The following MMP26 variants were observed in gnomAD, a reference collection of about 807,000 sequenced individuals.
The protein encoded by MMP26 is matrix metalloproteinase-26.
MMP26 carries 33 observed loss-of-function variants against 31.0 expected under a neutral mutation model. The ratio of observed to expected loss-of-function variants is 1.06; its 90% CI spans 0.81 to 1.42. The LOEUF (loss-of-function observed/expected upper bound fraction) is 1.42. Ranked by LOEUF, MMP26 falls within the 40% of genes most tolerant of loss-of-function variation. The pLI, the probability that MMP26 is intolerant of heterozygous loss-of-function variation, is 0.00. For synonymous variants in MMP26, 122 were observed against 114.9 expected, an observed-to-expected ratio of 1.06 and a Z score of -0.40; for missense variants, 347 against 316.1, an observed-to-expected ratio of 1.10 and a Z score of -0.74.
At chr11:4,845,207 A>G (rs776097253) in intron 2 of MMP26, among the ~76,000 whole-genome samples, 12 of 152,164 alleles carry the variant, frequency 7.9e-5, no homozygotes, top group Non-Finnish European at 1.5e-4. Flanking sequence ...CCAAATAAAT[A>G]AAAGATATCT....
At chr11:4,945,152 A>G (rs563563784) in intron 2 of MMP26, 77 of 152,294 alleles carry the variant, frequency 5.1e-4, no homozygotes, top group African/African-American at 1.6e-3. Flanking sequence ...ACAAAAGATG[A>G]AAGAATAAAC....
intron 2 of MMP26, chr11:4,924,444 A>T: frequency 8.4e-7 from 1 of 1,187,210 alleles, no homozygotes; most frequent in Non-Finnish European, 1.2e-6. Flanking sequence ...TCAGCCAGTA[A>T]GGAAGCATCT....
intron 2 of MMP26, among the ~76,000 whole-genome samples, chr11:4,869,893 T>TA (rs1321738810): frequency 6.6e-6 from 1 of 152,088 alleles, no homozygotes; most frequent in East Asian, 1.9e-4. Flanking sequence ...TATGCAGCCA[T>TA]AAAAAATGAT....
intron 1 of MMP26, among the ~76,000 whole-genome samples, chr11:4,757,789 A>G (rs1393296707): frequency 6.6e-6 from 1 of 151,982 alleles, no homozygotes; most frequent in Non-Finnish European, 1.5e-5. Context: ...ATAAATAAGA[A>G]ACAGAAAAAA....
At chr11:4,904,566 C>G (rs1377497119) in intron 2 of MMP26, among the ~76,000 whole-genome samples, 1 of 152,038 alleles carries the variant, frequency 6.6e-6, no homozygotes, top group Non-Finnish European at 1.5e-5. Context: ...TACATTTTTA[C>G]TGTATGATTT....
chr11:4,853,507 A>C (rs1273629314), intron 2 of MMP26, among the ~76,000 whole-genome samples: 1 of 152,210 alleles, frequency 6.6e-6, no homozygotes, highest in Non-Finnish European at 1.5e-5. Context: ...AATTACCAAA[A>C]TCAGGAATGC....
intron 2 of MMP26, among the ~76,000 whole-genome samples, chr11:4,786,251 C>A (rs1418093384): frequency 1.3e-5 from 2 of 152,068 alleles, no homozygotes; most frequent in Non-Finnish European, 1.5e-5. Flanking sequence ...CTTTCTGGAT[C>A]TGATTCTAGT....
intron 1 of MMP26, chr11:4,710,327 C>A (rs919084371): frequency 2.2e-6 from 1 of 456,886 alleles, no homozygotes; most frequent in Non-Finnish European, 4.4e-6. Context: ...TTGCCATCTT[C>A]TACATCCCCA....
chr11:4,801,608 T>A (rs1416702273), intron 2 of MMP26, among the ~76,000 whole-genome samples: 1 of 151,982 alleles, frequency 6.6e-6, no homozygotes, highest in African/African-American at 2.4e-5. Flanking sequence ...AATGGCATGA[T>A]CTCTGCTCAC....
At chr11:4,957,791 G>A (rs549992044) in intron 2 of MMP26, among the ~76,000 whole-genome samples, 2 of 151,632 alleles carry the variant, frequency 1.3e-5, no homozygotes, top group South Asian at 4.2e-4. Context: ...CGATTCTCCT[G>A]CCTCAACCTC....
intron 2 of MMP26, among the ~76,000 whole-genome samples, chr11:4,813,545 G>C (rs906276593): frequency 1.3e-5 from 2 of 152,032 alleles, no homozygotes; most frequent in Admixed American, 6.5e-5. Flanking sequence ...ATTTTCAATA[G>C]ATGAATCAAT....
chr11:4,980,912 TCATAA>T (rs1334974779), intron 2 of MMP26, among the ~76,000 whole-genome samples: 4 of 151,962 alleles, frequency 2.6e-5, no homozygotes, highest in Non-Finnish European at 5.9e-5. Context: ...GAAAATAAAA[TCATAA>T]CATAAACATA....
intron 2 of MMP26, among the ~76,000 whole-genome samples, chr11:4,831,440 C>T (rs1429635283): frequency 6.6e-6 from 1 of 152,190 alleles, no homozygotes; most frequent in Non-Finnish European, 1.5e-5. Context: ...CTGTGAATAT[C>T]CAAAAAGTGA....
chr11:4,987,327 G>C (rs1362839026), intron 2 of MMP26, among the ~76,000 whole-genome samples: 1 of 151,878 alleles, frequency 6.6e-6, no homozygotes, highest in Non-Finnish European at 1.5e-5. Context: ...TCAACATATA[G>C]CTATTAACTA....
intron 2 of MMP26, among the ~76,000 whole-genome samples, chr11:4,873,348 A>G (rs1850335053): frequency 6.6e-6 from 1 of 152,100 alleles, no homozygotes; most frequent in Non-Finnish European, 1.5e-5. Flanking sequence ...CTAGTAGCAT[A>G]TCGTCTCTTC....
At chr11:4,803,993 A>C in intron 2 of MMP26, 2 of 1,613,844 alleles carry the variant, frequency 1.2e-6, no homozygotes, top group South Asian at 2.2e-5. Flanking sequence ...AGTGGGAAGC[A>C]GATAGCCACG....
At chr11:4,963,736 T>G (rs1280980169) in intron 2 of MMP26, among the ~76,000 whole-genome samples, 1 of 152,220 alleles carries the variant, frequency 6.6e-6, no homozygotes, top group African/African-American at 2.4e-5. Flanking sequence ...TTACCAATGG[T>G]GTAAAAGCGT....
At chr11:4,986,934 T>TCC (rs1846903762) in intron 2 of MMP26, among the ~76,000 whole-genome samples, 17 of 98,822 alleles carry the variant, frequency 1.7e-4, no homozygotes, top group South Asian at 6.3e-4. Context: ...TCTCTCTCCC[T>TCC]CTCTCTCTCT....
At position 4,990,745 on chromosome 11, in the gene MMP26, G is replaced by A; in HGVS notation, c.468G>A (p.Trp156Ter). Residue 156 changes from tryptophan to a stop codon, truncating the protein, a stop_gained and splice_region_variant, in exon 5 of 8, where the codon TGG becomes TGA. Transcript: ENST00000380390. LOFTEE classifies it high-confidence loss of function. The stretch of plus-strand genomic sequence containing the variant: ...ACATCAAGGTTTCTTTCTGGCAGTG[G>A]GGTAAGAAATTGACATGGGAAGAAG... ...DADIKVSFWQ[W>*]AHEDGWPFDG... is the part of the protein sequence containing the mutation. The A allele has an allele frequency of 6.2e-7, 1 of 1,613,970 alleles. No individual in the cohort carries two copies. Among genetic ancestry groups the A allele is most frequent in the South Asian group, 1.1e-5 (1 of 91,066 alleles).
Sources: gnomAD v4.1 joint callset for allele counts (sites outside exome capture counted in the v4.1 genomes callset) on GRCh38, gnomAD v4.1.1 for gene constraint, MANE v1.5 for transcripts, NCBI Gene and HGNC (gene_info 2026-07-23, HGNC 2026-07-21) for gene names.